Variants in FSTL5 observed in about 807,000 individuals in gnomAD.
FSTL5 encodes the protein follistatin like 5.
Under a neutral mutation model 89.1 loss-of-function variants are expected in FSTL5, and 62 were observed. The observed-to-expected ratio is 0.70, with a 90% CI of 0.57 to 0.86. The LOEUF (loss-of-function observed/expected upper bound fraction) is 0.86. FSTL5 is among the 40% of genes least tolerant of loss of function. The pLI, the probability that FSTL5 is intolerant of heterozygous loss-of-function variation, is 0.00. For missense variants in FSTL5, 1,057 were observed against 1,001.6 expected (o/e 1.06, Z -0.75); for synonymous variants, 383 against 346.2 (o/e 1.11, Z -1.18).
intron 3 of FSTL5, among the ~76,000 whole-genome samples, chr4:162,029,906 CTTTTTTTTTTTT>C (rs67266989): frequency 0.65 from 93,965 of 144,646 alleles, 30,409 homozygotes; most frequent in East Asian, 0.8. Flanking sequence ...AAATTATTTC[CTTTTTTTTTTTT>C]TTTTTTTTTA....
rs397996028 is a variant in FSTL5 at position 162,026,304 on chromosome 4, C to CTTTTTTTTTTTTTTTTTTTTTTTTTTTT, written c.160+7320_160+7321insAAAAAAAAAAAAAAAAAAAAAAAAAAAA. On this transcript the variant is annotated intron_variant, in intron 3 of 15. Transcript: ENST00000306100. ...TTTCAGGAGACAGCTTATGTATTTT[C>CTTTTTTTTTTTTTTTTTTTTTTTTTTTT]TTTTTTTTTTTTTTTCTTTTTGAGA... Among the ~76,000 whole-genome samples the CTTTTTTTTTTTTTTTTTTTTTTTTTTTT allele has an allele frequency of 6.8e-4, 54 of 79,480 alleles. 5 individuals carry two copies. The highest frequency in any genetic ancestry group is 1.3e-3 in the Admixed American group (6 of 4,464). 52.1% of individuals were successfully genotyped at this position (79,480 alleles called of 152,430 possible). A position where few individuals can be genotyped will look rare whatever the true frequency, so the allele number is the denominator to read the frequency against.
In FSTL5 at chr4:161,473,015, G is replaced by A. The variant is rs952259464; in HGVS notation, c.1608+8005C>T. Reference sequence around the variant, plus strand: ...TGGGATTATAGCTATGAGCCACCGTGCCTGGCTGTGTCTAACTTTTAAAAT... The same window carrying A: ...TGGGATTATAGCTATGAGCCACCGTACCTGGCTGTGTCTAACTTTTAAAAT... On this transcript the variant is annotated intron_variant, in intron 13 of 15. Transcript: ENST00000306100. 2.0e-5 allele frequency among the ~76,000 whole-genome samples: 3 copies of A among 152,148 alleles called. No homozygotes were observed. In the East Asian group the frequency reaches 5.8e-4, roughly 29 times the overall value.
intron 3 of FSTL5, among the ~76,000 whole-genome samples, chr4:162,007,345 A>C (rs1335874008): frequency 6.6e-6 from 1 of 151,828 alleles, no homozygotes; most frequent in Non-Finnish European, 1.5e-5. Flanking sequence ...TTCTATGTTG[A>C]GTTACTAACA....
intron 7 of FSTL5, among the ~76,000 whole-genome samples, chr4:161,601,365 T>C (rs1734231073): frequency 6.9e-6 from 1 of 145,830 alleles, no homozygotes; most frequent in Admixed American, 6.9e-5. Flanking sequence ...GCCAATCCTG[T>C]CCCTTTCAAA....
chr4:161,790,037 A>G (rs915522923), intron 4 of FSTL5, among the ~76,000 whole-genome samples: 103 of 152,344 alleles, frequency 6.8e-4, no homozygotes, highest in African/African-American at 2.3e-3. Context: ...TTTACATTAA[A>G]TAGGATGTTA....
chr4:161,953,855 T>C (rs1578889056), intron 3 of FSTL5, among the ~76,000 whole-genome samples: 1 of 151,672 alleles, frequency 6.6e-6, no homozygotes, highest in East Asian at 1.9e-4. Context: ...ACTTGGTAAA[T>C]TCTGGTAACA....
At chr4:162,025,742 A>C (rs1737254805) in intron 3 of FSTL5, among the ~76,000 whole-genome samples, 1 of 152,004 alleles carries the variant, frequency 6.6e-6, no homozygotes, top group African/African-American at 2.4e-5. Flanking sequence ...TTTAAAAGGG[A>C]TATTATTTAT....
At chr4:162,088,738 A>G (rs973715762) in intron 2 of FSTL5, among the ~76,000 whole-genome samples, 11 of 152,180 alleles carry the variant, frequency 7.2e-5, no homozygotes, top group Non-Finnish European at 2.9e-5. Flanking sequence ...TAAGTAAGGA[A>G]AACTGAAACA....
At chr4:161,575,658 T>C (rs1733183868) in intron 8 of FSTL5, among the ~76,000 whole-genome samples, 1 of 152,072 alleles carries the variant, frequency 6.6e-6, no homozygotes, top group Non-Finnish European at 1.5e-5. Flanking sequence ...TTCACCATCT[T>C]GGCCAGGCTG....
rs145740256 is a variant in FSTL5, at chr4:162,015,733, T to C, written c.160+17892A>G. ...CCAGGTTGGTAAAGCACTGCCTCTA[T>C]GGCTCTTCAACATTCTCCTCCTTTC... On this transcript the variant is annotated intron_variant, in intron 3 of 15. Transcript: ENST00000306100. Among the ~76,000 whole-genome samples the C allele has an allele frequency of 2.0e-5, 3 of 152,326 alleles. No homozygotes were observed. In the East Asian group the frequency reaches 5.8e-4, roughly 29 times the overall value.
At chr4:161,720,244 G>C (rs145771228) in intron 6 of FSTL5, among the ~76,000 whole-genome samples, 9 of 147,486 alleles carry the variant, frequency 6.1e-5, no homozygotes, top group African/African-American at 2.2e-4. Flanking sequence ...CATACAAATA[G>C]CGTACAGATA....
At position 161,757,010 on chromosome 4, in the gene FSTL5, T is replaced by G. The variant is rs897016737; in HGVS notation, c.727+2401A>C. 3.3e-5 allele frequency among the ~76,000 whole-genome samples: 5 copies of G among 152,288 alleles called. No individual in the cohort carries two copies. The East Asian group carries it at 7.7e-4, about 24-fold the overall frequency. ...GTAGTGGTTAGGAGATTAGACTGCTTATTTATTAAAACTATTTAGTAAAAT... is the reference window on the plus strand; with the variant it reads ...GTAGTGGTTAGGAGATTAGACTGCTGATTTATTAAAACTATTTAGTAAAAT... On this transcript the variant is annotated intron_variant, in intron 6 of 15. Coordinates refer to ENST00000306100, the MANE Select transcript of FSTL5 (RefSeq NM_020116.5).
intron 4 of FSTL5, among the ~76,000 whole-genome samples, chr4:161,803,652 C>T (rs1024947141): frequency 6.6e-6 from 1 of 151,788 alleles, no homozygotes; most frequent in Non-Finnish European, 1.5e-5. Flanking sequence ...ACTTTTACTA[C>T]ACCAAGTAAG....
At chr4:161,663,953 C>CCA in intron 6 of FSTL5, among the ~76,000 whole-genome samples, 1 of 152,208 alleles carries the variant, frequency 6.6e-6, no homozygotes, top group Non-Finnish European at 1.5e-5. Flanking sequence ...AGGCTTGTGG[C>CCA]TTCCACTCTC....
intron 9 of FSTL5, among the ~76,000 whole-genome samples, chr4:161,539,869 T>C (rs1481725900): frequency 2.6e-5 from 4 of 151,512 alleles, no homozygotes; most frequent in African/African-American, 4.8e-5. Flanking sequence ...CCTTCTTGTT[T>C]TATATAAGAT....
intron 15 of FSTL5, among the ~76,000 whole-genome samples, chr4:161,406,212 G>A (rs190380468): frequency 1.7e-3 from 259 of 152,176 alleles, no homozygotes; most frequent in African/African-American, 5.9e-3. Flanking sequence ...GTTTTATTAT[G>A]TTGTGTTTTG....
intron 4 of FSTL5, among the ~76,000 whole-genome samples, chr4:161,855,003 GTTT>G (rs1221548568): frequency 3.7e-4 from 6 of 16,132 alleles, no homozygotes; most frequent in African/African-American, 7.2e-4. Context: ...TGGTTGAGAG[GTTT>G]TTTTTTTTTT....
At chr4:161,849,847 A>C (rs1731495806) in intron 4 of FSTL5, among the ~76,000 whole-genome samples, 1 of 152,106 alleles carries the variant, frequency 6.6e-6, no homozygotes, top group African/African-American at 2.4e-5. Flanking sequence ...TTGTTTAATG[A>C]TTATGAAATT....
At chr4:161,447,308 T>C (rs1005139448) in intron 15 of FSTL5, among the ~76,000 whole-genome samples, 1 of 152,052 alleles carries the variant, frequency 6.6e-6, no homozygotes, top group Non-Finnish European at 1.5e-5. Context: ...TAATTACATA[T>C]ATATATATTA....
Sources: gnomAD v4.1 joint callset for allele counts (sites outside exome capture counted in the v4.1 genomes callset) on GRCh38, gnomAD v4.1.1 for gene constraint, MANE v1.5 for transcripts, NCBI Gene and HGNC (gene_info 2026-07-23, HGNC 2026-07-21) for gene names.